The following C8orf34 variants were observed in gnomAD, a reference collection of about 807,000 sequenced individuals.
C8orf34 encodes the protein uncharacterized protein C8orf34.
Under a neutral mutation model 68.3 loss-of-function variants are expected in C8orf34, and 65 were observed. The ratio of observed to expected loss-of-function variants is 0.95; its 90% CI spans 0.78 to 1.17. C8orf34 has a LOEUF of 1.17. Among genes scored for constraint, C8orf34 ranks in the 50% most tolerant of loss-of-function variants. C8orf34 has a pLI of 0.00. For missense variants in C8orf34, 664 were observed against 655.4 expected, an observed-to-expected ratio of 1.01 and a Z score of -0.14; for synonymous variants, 244 against 241.2, an observed-to-expected ratio of 1.01 and a Z score of -0.11.
At chr8:68,410,145 T>C (rs7009736) in intron 1 of C8orf34, among the ~76,000 whole-genome samples, 93,129 of 151,924 alleles carry the variant, frequency 0.61, 28,888 homozygotes, top group African/African-American at 0.72. Context: ...TGCATATATT[T>C]ATAGGTAGCT....
chr8:68,590,649 A>G (rs909306314), intron 7 of C8orf34, among the ~76,000 whole-genome samples: 1 of 152,204 alleles, frequency 6.6e-6, no homozygotes, highest in Non-Finnish European at 1.5e-5. Context: ...TAAAATATCT[A>G]ACTACATGTG....
At chr8:68,504,750 G>A (rs1347171665) in intron 5 of C8orf34, among the ~76,000 whole-genome samples, 2 of 150,858 alleles carry the variant, frequency 1.3e-5, no homozygotes, top group Non-Finnish European at 2.9e-5. Flanking sequence ...TGTGATCTCA[G>A]CTCACTGCAA....
intron 7 of C8orf34, among the ~76,000 whole-genome samples, chr8:68,626,820 T>C (rs1010023433): frequency 3.9e-5 from 6 of 152,146 alleles, no homozygotes; most frequent in Admixed American, 3.9e-4. Context: ...ATGTATCATT[T>C]ATAGTGACTG....
chr8:68,784,370 C>G (rs1238453672), intron 11 of C8orf34, among the ~76,000 whole-genome samples: 1 of 152,154 alleles, frequency 6.6e-6, no homozygotes, highest in Non-Finnish European at 1.5e-5. Flanking sequence ...AAGGGTACAT[C>G]CTATCAATAT....
intron 12 of C8orf34, 149 bp from the exon 13 acceptor site, chr8:68,815,737 G>T (rs1166194294): frequency 1.1e-5 from 14 of 1,320,932 alleles, no homozygotes; most frequent in Non-Finnish European, 1.3e-5. Flanking sequence ...TTAAAATACA[G>T]AATGGCAGCA....
At chr8:68,627,667 A>G (rs1382084646) in intron 7 of C8orf34, among the ~76,000 whole-genome samples, 1 of 152,108 alleles carries the variant, frequency 6.6e-6, no homozygotes, top group Non-Finnish European at 1.5e-5. Flanking sequence ...ATTTGCTTGA[A>G]CTGGTATTTT....
chr8:68,776,564 A>G (rs1290125593), intron 11 of C8orf34, 115 bp downstream of exon 11: 2 of 755,352 alleles, frequency 2.6e-6, no homozygotes, highest in East Asian at 2.7e-5. Flanking sequence ...TATGTGTTCA[A>G]TGGTCATGTC....
rs536365607 is a variant in C8orf34 at position 68,575,459 on chromosome 8, C to T, written c.1105+42310C>T. Among the ~76,000 whole-genome samples, 117 of 152,174 alleles carry T rather than the reference C, an allele frequency of 7.7e-4. 1 individual carries two copies. Among genetic ancestry groups the T allele is most frequent in the African/African-American group, 2.3e-3 (97 of 41,530 alleles). On this transcript the variant is annotated intron_variant, in intron 7 of 13. Coordinates refer to ENST00000518698, the MANE Select transcript of C8orf34 (RefSeq NM_052958.4). ...CGTATTTGTGTTACATTACTGCCTACTCGTGTTTTCAAACCCGTATGTGCT... is the reference window on the plus strand; with the variant it reads ...CGTATTTGTGTTACATTACTGCCTATTCGTGTTTTCAAACCCGTATGTGCT...
At chr8:68,663,347 CTGTT>C (rs1325044370) in intron 8 of C8orf34, among the ~76,000 whole-genome samples, 2 of 152,092 alleles carry the variant, frequency 1.3e-5, no homozygotes, top group Non-Finnish European at 2.9e-5. Context: ...TATTAAACTT[CTGTT>C]TGTTTTTCTC....
At chr8:68,700,530 G>A (rs910858860) in intron 8 of C8orf34, among the ~76,000 whole-genome samples, 2 of 152,086 alleles carry the variant, frequency 1.3e-5, no homozygotes, top group Admixed American at 6.6e-5. Flanking sequence ...AATGCTGAGG[G>A]AATTCAGATA....
intron 5 of C8orf34, 43 bp downstream of exon 5, chr8:68,488,094 TA>T: frequency 7.2e-7 from 1 of 1,382,508 alleles, no homozygotes. Flanking sequence ...ATGTAGAACT[TA>T]CCTTTTATTC....
At chr8:68,439,695 A>T (rs978490820) in intron 2 of C8orf34, 49 bp downstream of exon 2, 5 of 1,553,508 alleles carry the variant, frequency 3.2e-6, no homozygotes, top group Non-Finnish European at 4.4e-6. Flanking sequence ...TTTAATGTCA[A>T]AATTTCAAAA....
chr8:68,701,626 C>G (rs1343972952), intron 8 of C8orf34, among the ~76,000 whole-genome samples: 3 of 152,100 alleles, frequency 2.0e-5, no homozygotes, highest in South Asian at 2.1e-4. Context: ...GGTGCAAGAG[C>G]CCCTAAAGTG....
chr8:68,711,748 T>G (rs867044905), intron 9 of C8orf34, among the ~76,000 whole-genome samples: 16 of 152,108 alleles, frequency 1.1e-4, no homozygotes, highest in African/African-American at 3.9e-4. Context: ...ATCTAAAAGT[T>G]CAGAAAACAT....
intron 8 of C8orf34, among the ~76,000 whole-genome samples, chr8:68,670,753 A>G (rs1473084427): frequency 6.6e-6 from 1 of 152,144 alleles, no homozygotes; most frequent in Non-Finnish European, 1.5e-5. Context: ...TCCAATATAC[A>G]TATGCACATT....
At chr8:68,537,406 G>A (rs1815522044) in intron 7 of C8orf34, among the ~76,000 whole-genome samples, 1 of 151,554 alleles carries the variant, frequency 6.6e-6, no homozygotes, top group African/African-American at 2.4e-5. Flanking sequence ...ACCTTAAAAT[G>A]AATGTTCTTC....
intron 7 of C8orf34, among the ~76,000 whole-genome samples, chr8:68,569,795 A>G (rs1380985165): frequency 6.6e-6 from 1 of 152,224 alleles, no homozygotes; most frequent in East Asian, 1.9e-4. Context: ...TACTACGTTT[A>G]CCTCAGCTTC....
chr8:68,708,788 C>T (rs1182534822), intron 8 of C8orf34, among the ~76,000 whole-genome samples: 2 of 152,134 alleles, frequency 1.3e-5, no homozygotes, highest in Admixed American at 6.5e-5. Context: ...ATGTATGTAA[C>T]AGGAAGTATA....
At chr8:68,524,827 A>G (rs1263983272) in intron 6 of C8orf34, among the ~76,000 whole-genome samples, 1 of 152,200 alleles carries the variant, frequency 6.6e-6, no homozygotes, top group East Asian at 1.9e-4. Flanking sequence ...TAGCTGAGTA[A>G]TGGATTTTCT....
Sources: gnomAD v4.1 joint callset for allele counts (sites outside exome capture counted in the v4.1 genomes callset) on GRCh38, gnomAD v4.1.1 for gene constraint, MANE v1.5 for transcripts, NCBI Gene and HGNC (gene_info 2026-07-23, HGNC 2026-07-21) for gene names.